PALM2AKAP2: variants seen among roughly 807,000 people sequenced by gnomAD.
The protein encoded by PALM2AKAP2 is PALM2-AKAP2 fusion protein.
PALM2AKAP2 carries 37 observed loss-of-function variants against 71.5 expected under a neutral mutation model. That is an observed-to-expected ratio of 0.52 (90% confidence interval 0.40 to 0.68). The LOEUF is 0.68. Among genes scored for constraint, PALM2AKAP2 ranks in the 30% least tolerant of loss-of-function variants. PALM2AKAP2 has a pLI of 0.00. For synonymous variants in PALM2AKAP2, 468 were observed against 478.8 expected (o/e 0.98, Z 0.29); for missense variants, 1,224 against 1,191.8 (o/e 1.03, Z -0.40).
chr9:109,840,405 TA>T (rs764351827), intron 1 of PALM2AKAP2, among the ~76,000 whole-genome samples: 3 of 151,968 alleles, frequency 2.0e-5, no homozygotes, highest in Non-Finnish European at 1.5e-5. Context: ...CCTAAAACCA[TA>T]AAAAACCCTA....
chr9:110,136,317 C>T, exon 2 of PALM2AKAP2: 1 of 1,614,192 alleles, frequency 6.2e-7, no homozygotes, highest in Non-Finnish European at 8.5e-7. Context: ...GACCATCCCT[C>T]CGCTTTCTAT....
At chr9:109,967,462 T>C (rs1237393903) in intron 6 of PALM2AKAP2, among the ~76,000 whole-genome samples, 1 of 150,680 alleles carries the variant, frequency 6.6e-6, no homozygotes, top group Non-Finnish European at 1.5e-5. Context: ...CAGGCTAGAG[T>C]GCAGTGGCAC....
At chr9:109,759,912 T>G (rs962193073) in intron 1 of PALM2AKAP2, among the ~76,000 whole-genome samples, 3 of 152,214 alleles carry the variant, frequency 2.0e-5, no homozygotes, top group South Asian at 2.1e-4. Flanking sequence ...TGGTGTAATT[T>G]ATATATGGCA....
At chr9:110,063,385 C>T (rs1232999445) in intron 1 of PALM2AKAP2, among the ~76,000 whole-genome samples, 20 of 151,928 alleles carry the variant, frequency 1.3e-4, no homozygotes, top group Admixed American at 1.3e-3. Context: ...GGTGTCTTCT[C>T]CCAGTGTCTT....
chr9:109,809,844 G>T (rs1325495992), intron 1 of PALM2AKAP2, among the ~76,000 whole-genome samples: 1 of 152,212 alleles, frequency 6.6e-6, no homozygotes, highest in East Asian at 1.9e-4. Context: ...TAGTGAGTGA[G>T]TTGGTTTTAT....
intron 1 of PALM2AKAP2, among the ~76,000 whole-genome samples, chr9:110,086,968 GACTTCACTGTTTACAC>G (rs1347439842): frequency 6.6e-6 from 1 of 152,120 alleles, no homozygotes; most frequent in Non-Finnish European, 1.5e-5. Flanking sequence ...TGCCACTCCA[GACTTCACTGTTTACAC>G]TCAAGTAAAA....
At chr9:109,676,674 C>T (rs545898817) in intron 1 of PALM2AKAP2, among the ~76,000 whole-genome samples, 2 of 152,038 alleles carry the variant, frequency 1.3e-5, no homozygotes, top group South Asian at 4.2e-4. Context: ...CCAAGATGCA[C>T]CAACTTTAAA....
At chr9:109,895,660 G>T (rs915308049) in intron 3 of PALM2AKAP2, among the ~76,000 whole-genome samples, 1 of 152,178 alleles carries the variant, frequency 6.6e-6, no homozygotes, top group African/African-American at 2.4e-5. Flanking sequence ...CTGTAAATGA[G>T]TGGCTTTTCT....
At chr9:109,673,083 CGT>C (rs148228346) in intron 1 of PALM2AKAP2, among the ~76,000 whole-genome samples, 3 of 151,334 alleles carry the variant, frequency 2.0e-5, no homozygotes, top group Non-Finnish European at 3.0e-5. Flanking sequence ...TTTTTGTGTA[CGT>C]GTGTGTGTGT....
intron 1 of PALM2AKAP2, among the ~76,000 whole-genome samples, chr9:110,097,044 A>G (rs992515125): frequency 2.0e-5 from 3 of 148,546 alleles, no homozygotes; most frequent in African/African-American, 7.4e-5. Flanking sequence ...AGGGAAGGTC[A>G]GCAGATAAAC....
intron 1 of PALM2AKAP2, chr9:110,090,388 C>T (rs1450365169): frequency 2.2e-6 from 1 of 456,714 alleles, no homozygotes. Flanking sequence ...GTCATGATTG[C>T]CACCTGGATG....
chr9:110,135,164 A>AAAAAAAAAAAATATATATATATAT, intron 1 of PALM2AKAP2, among the ~76,000 whole-genome samples: 6 of 51,720 alleles, frequency 1.2e-4, no homozygotes, highest in Non-Finnish European at 1.5e-4. Context: ...AAAAAAAAAA[A>AAAAAAAAAAAATATATATATATAT]ATATATAAAT....
chr9:110,166,148 T>C (rs1836728503), intron 3 of PALM2AKAP2, among the ~76,000 whole-genome samples: 1 of 152,230 alleles, frequency 6.6e-6, no homozygotes, highest in Admixed American at 6.5e-5. Flanking sequence ...TATTCCATCA[T>C]AGTTTGAGAG....
At chr9:110,117,121 T>A (rs1390944073) in intron 1 of PALM2AKAP2, among the ~76,000 whole-genome samples, 3 of 152,202 alleles carry the variant, frequency 2.0e-5, no homozygotes, top group Admixed American at 6.5e-5. Context: ...TTTTTGTTTC[T>A]TGTTTGTTTG....
chr9:109,665,986 G>A (rs1446451111), intron 1 of PALM2AKAP2, among the ~76,000 whole-genome samples: 1 of 152,240 alleles, frequency 6.6e-6, no homozygotes, highest in Non-Finnish European at 1.5e-5. Flanking sequence ...GGGTGTGGGA[G>A]GTGCACAGCC....
intron 1 of PALM2AKAP2, among the ~76,000 whole-genome samples, chr9:109,790,517 G>A (rs1236695550): frequency 6.6e-6 from 1 of 152,192 alleles, no homozygotes; most frequent in East Asian, 1.9e-4. Context: ...CTGTGTTTGA[G>A]TGCTAATGTC....
At chr9:109,905,593 C>T (rs57805653) in intron 3 of PALM2AKAP2, among the ~76,000 whole-genome samples, 95 of 152,350 alleles carry the variant, frequency 6.2e-4, no homozygotes, top group African/African-American at 2.3e-3. Context: ...GTTTCTCAGC[C>T]ATACAGGAGA....
chr9:109,724,321 TA>T (rs1456875108), intron 1 of PALM2AKAP2, among the ~76,000 whole-genome samples: 4 of 152,196 alleles, frequency 2.6e-5, no homozygotes, highest in African/African-American at 7.2e-5. Context: ...CCTAAAGTAA[TA>T]TATAAATGTA....
At chr9:109,743,769 C>T (rs1828755630) in intron 1 of PALM2AKAP2, among the ~76,000 whole-genome samples, 1 of 152,194 alleles carries the variant, frequency 6.6e-6, no homozygotes, top group Non-Finnish European at 1.5e-5. Flanking sequence ...CATATACATA[C>T]ATCTGCCTGC....
Sources: gnomAD v4.1 joint callset for allele counts (sites outside exome capture counted in the v4.1 genomes callset) on GRCh38, gnomAD v4.1.1 for gene constraint, MANE v1.5 for transcripts, NCBI Gene and HGNC (gene_info 2026-07-23, HGNC 2026-07-21) for gene names.